PRICKLE2: variants seen among roughly 807,000 people sequenced by gnomAD.
PRICKLE2 encodes the protein prickle planar cell polarity protein 2.
PRICKLE2 carries 21 observed loss-of-function variants against 81.4 expected under a neutral mutation model. The observed-to-expected ratio is 0.26, with a 90% CI of 0.18 to 0.37. PRICKLE2 has a LOEUF of 0.37. Among genes scored for constraint, PRICKLE2 ranks in the 10% least tolerant of loss-of-function variants. The probability of loss-of-function intolerance (pLI) is 1.00; values close to 1 mark genes in which losing one functional copy is unlikely to be tolerated. For synonymous variants in PRICKLE2, 456 were observed against 421.5 expected, an observed-to-expected ratio of 1.08 and a Z score of -1.00; for missense variants, 940 against 1,109.0, an observed-to-expected ratio of 0.85 and a Z score of 2.16.
intron 2 of PRICKLE2, among the ~76,000 whole-genome samples, chr3:64,195,716 T>G (rs1032786547): frequency 6.6e-6 from 1 of 152,208 alleles, no homozygotes; most frequent in South Asian, 2.1e-4. Flanking sequence ...CTATACGTAA[T>G]AGACTTTAAA....
intron 2 of PRICKLE2, among the ~76,000 whole-genome samples, chr3:64,235,573 G>T (rs1378149716): frequency 1.3e-5 from 2 of 152,150 alleles, no homozygotes; most frequent in Non-Finnish European, 2.9e-5. Flanking sequence ...TATTTGTCTA[G>T]TGGCTAGGCA....
At chr3:64,221,606 G>A (rs949263816) in intron 1 of PRICKLE2, among the ~76,000 whole-genome samples, 3 of 152,156 alleles carry the variant, frequency 2.0e-5, no homozygotes, top group Admixed American at 1.3e-4. Flanking sequence ...TTTGCAAATA[G>A]CTCATGGTCA....
intron 7 of PRICKLE2, among the ~76,000 whole-genome samples, chr3:64,130,827 CT>C (rs1268461851): frequency 6.6e-6 from 1 of 152,176 alleles, no homozygotes; most frequent in African/African-American, 2.4e-5. Context: ...ATCAGTATTT[CT>C]TTAAAGCTCC....
chr3:64,153,254 C>T lies in PRICKLE2; in HGVS notation c.715G>A (p.Gly239Arg), dbSNP rs762032535. ...AAGCAGTGGCAACAGTAGGGTCTTCCCTCCTTCATGATGTAGCGCTGGCCG... is the reference window on the plus strand; with the variant it reads ...AAGCAGTGGCAACAGTAGGGTCTTCTCTCCTTCATGATGTAGCGCTGGCCG... ...LGGQRYIMKEGRPYCCHCFES... is the reference protein window; with the variant it reads ...LGGQRYIMKERRPYCCHCFES... Residue 239 changes from glycine to arginine, a missense_variant, in exon 6 of 8, where the codon GGA becomes AGA. Transcript: ENST00000638394. 3.7e-6 allele frequency: 6 copies of T among 1,614,140 alleles called. No individual in the cohort carries two copies. Among genetic ancestry groups the T allele is most frequent in the Non-Finnish European group, 5.1e-6 (6 of 1,180,030 alleles).
chr3:64,264,067 A>G (rs704414), intron 2 of PRICKLE2, among the ~76,000 whole-genome samples: 127,956 of 151,450 alleles, frequency 0.84, 54,353 homozygotes, highest in Non-Finnish European at 0.87. Flanking sequence ...CCCCCACTCC[A>G]CAACCCGCCA....
At chr3:64,187,196 C>T (rs932773891) in intron 2 of PRICKLE2, among the ~76,000 whole-genome samples, 1 of 152,186 alleles carries the variant, frequency 6.6e-6, no homozygotes, top group African/African-American at 2.4e-5. Flanking sequence ...GGTTCTAGTC[C>T]CAACTCTGAC....
At chr3:64,247,527 T>C (rs2079376174) in intron 2 of PRICKLE2, among the ~76,000 whole-genome samples, 1 of 152,230 alleles carries the variant, frequency 6.6e-6, no homozygotes, top group African/African-American at 2.4e-5. Context: ...CAGGCTTTAA[T>C]TGTAGGTGGA....
chr3:64,116,965 C>T (rs190319742), intron 7 of PRICKLE2, among the ~76,000 whole-genome samples: 81 of 152,210 alleles, frequency 5.3e-4, no homozygotes, highest in African/African-American at 1.9e-3. Flanking sequence ...ACTGGCAACC[C>T]GAATCCAGCA....
intron 1 of PRICKLE2, among the ~76,000 whole-genome samples, chr3:64,214,187 A>T (rs1336883559): frequency 6.6e-6 from 1 of 152,052 alleles, no homozygotes; most frequent in African/African-American, 2.4e-5. Context: ...CAATGGTCAC[A>T]CCCTTCAAAA....
intron 2 of PRICKLE2, among the ~76,000 whole-genome samples, chr3:64,233,585 G>A (rs907875043): frequency 6.6e-6 from 1 of 152,126 alleles, no homozygotes; most frequent in Non-Finnish European, 1.5e-5. Flanking sequence ...ACCTTGGTGA[G>A]GGCTAAGTCT....
intron 7 of PRICKLE2, among the ~76,000 whole-genome samples, chr3:64,127,288 C>A (rs755619346): frequency 1.3e-5 from 2 of 152,138 alleles, no homozygotes; most frequent in Non-Finnish European, 2.9e-5. Flanking sequence ...CCTGTAGTCA[C>A]CACTCTATAA....
chr3:64,140,554 G>T (rs755026038), intron 7 of PRICKLE2, among the ~76,000 whole-genome samples: 1 of 152,154 alleles, frequency 6.6e-6, no homozygotes, highest in Non-Finnish European at 1.5e-5. Flanking sequence ...GTCTCCAGTT[G>T]TCCTGTGGTG....
At chr3:64,195,680 A>G (rs1428299490) in intron 2 of PRICKLE2, among the ~76,000 whole-genome samples, 1 of 152,242 alleles carries the variant, frequency 6.6e-6, no homozygotes, top group African/African-American at 2.4e-5. Context: ...CTTTCTAAAA[A>G]AAAACCTTTA....
chr3:64,243,632 G>C (rs1420163356), intron 2 of PRICKLE2, among the ~76,000 whole-genome samples: 1 of 152,190 alleles, frequency 6.6e-6, no homozygotes, highest in Non-Finnish European at 1.5e-5. Context: ...AATGGGGACA[G>C]ATAATAGTAT....
At chr3:64,126,710 TG>T (rs536344239) in intron 7 of PRICKLE2, among the ~76,000 whole-genome samples, 79 of 152,274 alleles carry the variant, frequency 5.2e-4, no homozygotes, top group Middle Eastern at 6.8e-3. Flanking sequence ...CTTGAGTAGC[TG>T]GGACTACAGG....
intron 2 of PRICKLE2, among the ~76,000 whole-genome samples, chr3:64,238,931 C>T (rs561819252): frequency 6.6e-6 from 1 of 152,254 alleles, no homozygotes; most frequent in East Asian, 1.9e-4. Context: ...CCAGTCAGCC[C>T]ACCCAACCCA....
chr3:64,160,672 A>G (rs2077718400), intron 3 of PRICKLE2, among the ~76,000 whole-genome samples: 1 of 152,336 alleles, frequency 6.6e-6, no homozygotes, highest in African/African-American at 2.4e-5. Flanking sequence ...AGAGAGGAAC[A>G]AGCTGCCTGC....
intron 2 of PRICKLE2, among the ~76,000 whole-genome samples, chr3:64,191,569 A>G (rs1460974310): frequency 6.6e-6 from 1 of 152,226 alleles, no homozygotes; most frequent in African/African-American, 2.4e-5. Flanking sequence ...TACGGTGAAG[A>G]CAGGAAGAGT....
chr3:64,109,415 G>T (rs2076807778), intron 7 of PRICKLE2, among the ~76,000 whole-genome samples: 1 of 152,146 alleles, frequency 6.6e-6, no homozygotes, highest in African/African-American at 2.4e-5. Flanking sequence ...CCAGCCACTG[G>T]CCTATCTAGC....
Sources: allele counts gnomAD v4.1 joint callset (sites outside exome capture counted in the v4.1 genomes callset), GRCh38; gene constraint gnomAD v4.1.1; transcripts MANE v1.5; gene names NCBI Gene and HGNC (gene_info 2026-07-23, HGNC 2026-07-21).